The following NAPB variants were observed in gnomAD, a reference collection of about 807,000 sequenced individuals.
NAPB encodes the protein NSF attachment protein beta.
Under a neutral mutation model 44.7 loss-of-function variants are expected in NAPB, and 26 were observed. That is an observed-to-expected ratio of 0.58 (90% CI 0.43 to 0.81). The LOEUF (loss-of-function observed/expected upper bound fraction) is 0.81, where lower values mean the gene tolerates loss of function less well. Among genes scored for constraint, NAPB ranks in the 30% least tolerant of loss-of-function variants. NAPB has a pLI of 0.00. For missense variants in NAPB, 315 were observed against 356.4 expected (o/e 0.88, Z 0.94); for synonymous variants, 120 against 116.8 (o/e 1.03, Z -0.18).
At position 23,412,204 on chromosome 20, in the gene NAPB, C is replaced by T. The variant is rs975498090; in HGVS notation, c.98+9101G>A. The stretch of plus-strand genomic sequence containing the variant: ...GTAGCACTTATCCGGTATATATACT[C>T]TTCTTAATTTCTTACAGAAGGGTAA... On this transcript the variant is annotated intron_variant, in intron 1 of 10. Coordinates refer to ENST00000377026, the MANE Select transcript of NAPB (RefSeq NM_022080.3). Among the ~76,000 whole-genome samples the T allele has an allele frequency of 3.3e-5, 5 of 152,170 alleles. No individual in the cohort carries two copies. In the East Asian group the frequency reaches 9.7e-4, roughly 29 times the overall value.
chr20:23,421,265 A>T, intron 1 of NAPB, 40 bp downstream of exon 1: 2 of 1,227,504 alleles, frequency 1.6e-6, no homozygotes, highest in Non-Finnish European at 2.1e-6. Context: ...CCAAGTACGG[A>T]GACCCCCCCC....
intron 1 of NAPB, among the ~76,000 whole-genome samples, chr20:23,403,902 G>A (rs1335256803): frequency 2.6e-5 from 4 of 152,142 alleles, no homozygotes; most frequent in Non-Finnish European, 2.9e-5. Context: ...CTCTGGTAAG[G>A]GCAAGTCCTT....
chr20:23,382,759 AGAG>A (rs760259628), intron 7 of NAPB, among the ~76,000 whole-genome samples: 2 of 152,204 alleles, frequency 1.3e-5, no homozygotes, highest in Non-Finnish European at 2.9e-5. Flanking sequence ...GGAACAACAG[AGAG>A]AAGACAAACT....
At chr20:23,388,680 A>G (rs2424529) in intron 7 of NAPB, among the ~76,000 whole-genome samples, 68,667 of 151,968 alleles carry the variant, frequency 0.45, 15,818 homozygotes, top group East Asian at 0.71. Flanking sequence ...TTCAACAATT[A>G]GTGCTAGAAA....
In NAPB at chr20:23,376,654, C is replaced by G. The variant is rs1402927625; in HGVS notation, c.*722G>C. The G allele has an allele frequency of 6.6e-6, 1 of 152,210 alleles. No homozygotes were observed. Among genetic ancestry groups the G allele is most frequent in the African/African-American group, 2.4e-5 (1 of 41,448 alleles). The allele number at this position is 152,210 out of a possible 1,614,324, so 9.4% of individuals were successfully genotyped here. On this transcript the variant is annotated 3_prime_UTR_variant, in exon 11 of 11. Coordinates refer to ENST00000377026, the MANE Select transcript of NAPB (RefSeq NM_022080.3). ...CTATCTCCAGAAAAAGAGAAAAATTCCATTTCTAACAGATCTTGTGATATG... is the reference window on the plus strand; with the variant it reads ...CTATCTCCAGAAAAAGAGAAAAATTGCATTTCTAACAGATCTTGTGATATG...
At chr20:23,396,130 T>C (rs1002191725) in intron 3 of NAPB, among the ~76,000 whole-genome samples, 1 of 152,250 alleles carries the variant, frequency 6.6e-6, no homozygotes, top group Non-Finnish European at 1.5e-5. Context: ...ACAAACTTTT[T>C]TCTGAAAATG....
At chr20:23,380,047 T>C in intron 8 of NAPB, 112 bp from the exon 9 acceptor site, 1 of 725,954 alleles carries the variant, frequency 1.4e-6, no homozygotes, top group African/African-American at 1.8e-5. Flanking sequence ...GTTGAAAAAG[T>C]ATGTAGTTAA....
chr20:23,411,251 C>T (rs1985635443), intron 1 of NAPB, among the ~76,000 whole-genome samples: 1 of 152,326 alleles, frequency 6.6e-6, no homozygotes, highest in Admixed American at 6.5e-5. Context: ...TACTGTGAAA[C>T]ATATCCTAGT....
intron 1 of NAPB, 43 bp downstream of exon 1, chr20:23,421,262 C>T (rs1439559929): frequency 2.2e-6 from 3 of 1,362,722 alleles, no homozygotes; most frequent in South Asian, 1.3e-5. Context: ...GGGCCAAGTA[C>T]GGAGACCCCC....
chr20:23,420,205 T>G (rs1186202895), intron 1 of NAPB, among the ~76,000 whole-genome samples: 1 of 152,076 alleles, frequency 6.6e-6, no homozygotes, highest in Non-Finnish European at 1.5e-5. Flanking sequence ...GGGCTCTGCT[T>G]TTTGAGAGGT....
chr20:23,381,031 A>G, intron 8 of NAPB, 182 bp downstream of exon 8: 1 of 555,452 alleles, frequency 1.8e-6, no homozygotes, highest in Non-Finnish European at 3.2e-6. Context: ...AACTTTTGAG[A>G]ACAGCTTTGA....
At chr20:23,389,550 C>T (rs972448062) in intron 7 of NAPB, among the ~76,000 whole-genome samples, 1 of 152,070 alleles carries the variant, frequency 6.6e-6, no homozygotes, top group African/African-American at 2.4e-5. Flanking sequence ...GTATTAGCCA[C>T]GAAAAACAAT....
chr20:23,385,208 A>T (rs1983394820), intron 7 of NAPB, among the ~76,000 whole-genome samples: 3 of 152,214 alleles, frequency 2.0e-5, no homozygotes, highest in Admixed American at 2.0e-4. Context: ...AAAAGAATGG[A>T]CAAACATATC....
At chr20:23,395,044 C>G (rs777316968) in intron 4 of NAPB, 45 bp from the exon 5 acceptor site, 11 of 1,612,870 alleles carry the variant, frequency 6.8e-6, no homozygotes, top group Non-Finnish European at 8.5e-6. Context: ...TTTTACCTAT[C>G]TGAATGCCAG....
chr20:23,382,554 A>G (rs1437601086), intron 7 of NAPB, among the ~76,000 whole-genome samples: 1 of 152,204 alleles, frequency 6.6e-6, no homozygotes, highest in African/African-American at 2.4e-5. Flanking sequence ...CAAGTACAAT[A>G]ACACCTGAAG....
chr20:23,402,096 T>C (rs1984897354), intron 2 of NAPB, among the ~76,000 whole-genome samples: 1 of 152,196 alleles, frequency 6.6e-6, no homozygotes, highest in African/African-American at 2.4e-5. Context: ...AAAACTAAAC[T>C]TCTTACAAAG....
intron 7 of NAPB, among the ~76,000 whole-genome samples, chr20:23,383,435 G>A (rs1297850046): frequency 2.6e-5 from 4 of 152,062 alleles, no homozygotes; most frequent in Non-Finnish European, 5.9e-5. Flanking sequence ...AATGGAGGCC[G>A]ACTAGGCGTT....
At chr20:23,392,108 T>C (rs904856671) in intron 5 of NAPB, among the ~76,000 whole-genome samples, 10 of 152,308 alleles carry the variant, frequency 6.6e-5, no homozygotes, top group Non-Finnish European at 1.0e-4. Flanking sequence ...ACTTTGTAAA[T>C]AGGCATCATG....
rs1162569931 is a variant in NAPB at position 23,374,965 on chromosome 20, A to C, written c.*2411T>G. 6.6e-6 allele frequency: 1 copy of C among 152,206 alleles called. No individual in the cohort carries two copies. Among genetic ancestry groups the C allele is most frequent in the African/African-American group, 2.4e-5 (1 of 41,450 alleles). The allele number at this position is 152,206 out of a possible 1,614,324, so 9.4% of individuals were successfully genotyped here. On this transcript the variant is annotated 3_prime_UTR_variant, in exon 11 of 11. Coordinates refer to ENST00000377026, the MANE Select transcript of NAPB (RefSeq NM_022080.3). The stretch of plus-strand genomic sequence containing the variant: ...GCTAAAGTACAAGAATTGTACCATA[A>C]ATAATTATATTTTGTTCATAAGTAA...
Sources: allele counts gnomAD v4.1 joint callset (sites outside exome capture counted in the v4.1 genomes callset), GRCh38; gene constraint gnomAD v4.1.1; transcripts MANE v1.5; gene names NCBI Gene and HGNC (gene_info 2026-07-23, HGNC 2026-07-21).